The following BMP6 variants were observed in gnomAD, a reference collection of about 807,000 sequenced individuals.
BMP6 encodes bone morphogenetic protein 6, also known as VG-1-R.
BMP6 carries 17 observed loss-of-function variants against 54.1 expected under a neutral mutation model. That is an observed-to-expected ratio of 0.31 (90% CI 0.22 to 0.47). The LOEUF (loss-of-function observed/expected upper bound fraction) is 0.47, where lower values mean the gene tolerates loss of function less well. Among genes scored for constraint, BMP6 ranks in the 20% least tolerant of loss-of-function variants. The probability of loss-of-function intolerance (pLI) is 1.00; values close to 1 mark genes in which losing one functional copy is unlikely to be tolerated. For synonymous variants in BMP6, 328 were observed against 291.2 expected, an observed-to-expected ratio of 1.13 and a Z score of -1.28; for missense variants, 720 against 690.4, an observed-to-expected ratio of 1.04 and a Z score of -0.48.
chr6:7,842,499 T>A (rs1758990359), intron 1 of BMP6, among the ~76,000 whole-genome samples: 1 of 152,190 alleles, frequency 6.6e-6, no homozygotes, highest in African/African-American at 2.4e-5. Context: ...ACTTCTTAGA[T>A]GACAGCTGTC....
At position 7,862,503 on chromosome 6, in the gene BMP6, GT is replaced by G; in HGVS notation, c.1204+8del. 6.2e-7 allele frequency: 1 copy of G among 1,613,644 alleles called. No homozygotes were observed. The highest frequency in any genetic ancestry group is 8.5e-7 in the Non-Finnish European group (1 of 1,179,884). ...CGCGGGTCTCCAGTGCTTCAGGTGG[GT>G]TTGTGGGGAGCCTGTGTTTCCAGAA... On this transcript the variant is annotated splice_donor_region_variant and intron_variant, in intron 4 of 6. Coordinates refer to ENST00000283147, the MANE Select transcript of BMP6 (RefSeq NM_001718.6).
At chr6:7,871,143 A>G (rs1581290624) in intron 4 of BMP6, among the ~76,000 whole-genome samples, 1 of 152,158 alleles carries the variant, frequency 6.6e-6, no homozygotes, top group South Asian at 2.1e-4. Context: ...TTTTTGCTTC[A>G]GTGGCTTTAG....
chr6:7,881,419 A>G lies in BMP6; in HGVS notation c.*1076A>G, dbSNP rs1429523738. On this transcript the variant is annotated 3_prime_UTR_variant, in exon 7 of 7. Transcript: ENST00000283147. ...TGATTAAATAATACATTTATAATCT[A>G]CAACTGTTTGCACTTACAGCTTTTT... The G allele has an allele frequency of 6.6e-6, 1 of 152,500 alleles. No homozygotes were observed. The highest frequency in any genetic ancestry group is 1.5e-5 in the Non-Finnish European group (1 of 68,050). The allele number at this position is 152,500 out of a possible 1,614,324, so 9.4% of individuals were successfully genotyped here. A position where few individuals can be genotyped will look rare whatever the true frequency, so the allele number is the denominator to read the frequency against.
chr6:7,879,288 T>A, intron 5 of BMP6, 138 bp downstream of exon 5: 1 of 880,402 alleles, frequency 1.1e-6, no homozygotes, highest in Non-Finnish European at 1.8e-6. Context: ...TGAGGAGCCC[T>A]CCCAAATGCT....
chr6:7,832,146 G>A (rs887150469), intron 1 of BMP6, among the ~76,000 whole-genome samples: 1 of 152,190 alleles, frequency 6.6e-6, no homozygotes, highest in African/African-American at 2.4e-5. Context: ...AACTACCTGG[G>A]GGTGAGGTTT....
intron 1 of BMP6, among the ~76,000 whole-genome samples, chr6:7,769,348 C>A (rs1349991315): frequency 4.6e-5 from 7 of 152,178 alleles, no homozygotes; most frequent in Non-Finnish European, 8.8e-5. Flanking sequence ...CCAAGTTACA[C>A]CCCATCCAAA....
intron 1 of BMP6, among the ~76,000 whole-genome samples, chr6:7,779,754 T>C (rs1254751070): frequency 1.3e-5 from 2 of 152,206 alleles, no homozygotes; most frequent in African/African-American, 4.8e-5. Context: ...TGAGCTCTCA[T>C]GAGGCCATTA....
At chr6:7,817,366 A>G (rs983441146) in intron 1 of BMP6, among the ~76,000 whole-genome samples, 2 of 151,864 alleles carry the variant, frequency 1.3e-5, no homozygotes, top group Admixed American at 6.6e-5. Context: ...TGCCTGATGC[A>G]CATATACACC....
chr6:7,732,077 C>G (rs1197114564), intron 1 of BMP6, among the ~76,000 whole-genome samples: 3 of 152,144 alleles, frequency 2.0e-5, no homozygotes, highest in African/African-American at 7.2e-5. Context: ...GGAATACTCC[C>G]TACTTGTATT....
intron 1 of BMP6, among the ~76,000 whole-genome samples, chr6:7,809,730 A>G (rs1758407952): frequency 6.6e-6 from 1 of 152,256 alleles, no homozygotes; most frequent in Non-Finnish European, 1.5e-5. Flanking sequence ...TTTAGGGTCG[A>G]CAGCCCAATG....
intron 1 of BMP6, among the ~76,000 whole-genome samples, chr6:7,758,829 G>A (rs1757565046): frequency 6.6e-6 from 1 of 152,172 alleles, no homozygotes; most frequent in African/African-American, 2.4e-5. Context: ...CACATGAGGT[G>A]CAGCCACTGT....
chr6:7,812,810 G>A (rs1022637387), intron 1 of BMP6, among the ~76,000 whole-genome samples: 1 of 151,780 alleles, frequency 6.6e-6, no homozygotes, highest in Non-Finnish European at 1.5e-5. Flanking sequence ...TTATGTTTCT[G>A]AAAGTGCCGT....
At chr6:7,823,425 CAT>C (rs1417457131) in intron 1 of BMP6, among the ~76,000 whole-genome samples, 1 of 152,160 alleles carries the variant, frequency 6.6e-6, no homozygotes, top group Non-Finnish European at 1.5e-5. Flanking sequence ...AGCTATGTGA[CAT>C]ATGGGATATT....
intron 1 of BMP6, among the ~76,000 whole-genome samples, chr6:7,761,420 T>C (rs980051789): frequency 1.3e-5 from 2 of 152,234 alleles, no homozygotes; most frequent in African/African-American, 2.4e-5. Context: ...GAATTCCAAG[T>C]GCATTTCTCT....
chr6:7,729,292 C>G (rs1032882781), intron 1 of BMP6, among the ~76,000 whole-genome samples: 1 of 152,170 alleles, frequency 6.6e-6, no homozygotes, highest in Non-Finnish European at 1.5e-5. Context: ...TCCCCTTGCT[C>G]TCTTCCTCTC....
At chr6:7,732,141 C>T (rs1270337302) in intron 1 of BMP6, among the ~76,000 whole-genome samples, 1 of 152,126 alleles carries the variant, frequency 6.6e-6, no homozygotes, top group Admixed American at 6.5e-5. Context: ...ATCAGTAGTA[C>T]TGTTTTTCAT....
chr6:7,879,276 C>T, intron 5 of BMP6, 126 bp downstream of exon 5: 1 of 966,602 alleles, frequency 1.0e-6, no homozygotes, highest in Non-Finnish European at 1.6e-6. Context: ...CTGTGGAAGT[C>T]CTGAGGAGCC....
chr6:7,750,366 G>A (rs1365327851), intron 1 of BMP6, among the ~76,000 whole-genome samples: 1 of 152,208 alleles, frequency 6.6e-6, no homozygotes, highest in African/African-American at 2.4e-5. Flanking sequence ...GATATGTTTG[G>A]GGGAGTATCA....
rs1244966035 is a variant in BMP6 at position 7,881,173 on chromosome 6, C to CT, written c.*835dup. On this transcript the variant is annotated 3_prime_UTR_variant, in exon 7 of 7. Coordinates refer to ENST00000283147, the MANE Select transcript of BMP6 (RefSeq NM_001718.6). ...CCTTTTCAGTAAAGTGGTTCTCTGC[C>CT]TTTTTACTATACAGCATACCACGCC... 6.6e-6 allele frequency: 1 copy of CT among 152,436 alleles called. No homozygotes were observed. Among genetic ancestry groups the CT allele is most frequent in the Non-Finnish European group, 1.5e-5 (1 of 68,030 alleles). 9.4% of individuals were successfully genotyped at this position (152,436 alleles called of 1,614,324 possible). A position where few individuals can be genotyped will look rare whatever the true frequency, so the allele number is the denominator to read the frequency against.
Sources: allele counts gnomAD v4.1 joint callset (sites outside exome capture counted in the v4.1 genomes callset), GRCh38; gene constraint gnomAD v4.1.1; transcripts MANE v1.5; gene names NCBI Gene and HGNC (gene_info 2026-07-23, HGNC 2026-07-21).